The following GALNT9 variants were observed in gnomAD, a reference collection of about 807,000 sequenced individuals.
The protein encoded by GALNT9 is polypeptide N-acetylgalactosaminyltransferase 9.
In GALNT9, 47 loss-of-function variants were observed where a neutral mutation model predicts 63.1. That is an observed-to-expected ratio of 0.75 (90% confidence interval 0.59 to 0.95). The LOEUF (loss-of-function observed/expected upper bound fraction) is 0.95, where lower values mean the gene tolerates loss of function less well. GALNT9 is among the 40% of genes least tolerant of loss of function. GALNT9 has a pLI of 0.00. For missense variants in GALNT9, 829 were observed against 874.8 expected (o/e 0.95, Z 0.66); for synonymous variants, 396 against 365.7 (o/e 1.08, Z -0.94).
At position 132,316,898 on chromosome 12, in the gene GALNT9, C is replaced by CCATTCTACACCCCACAGAGCACAGCCTG. The variant is rs1555245717; in HGVS notation, c.238+12040_238+12067dup. Among the ~76,000 whole-genome samples, 1 of 151,744 alleles carries CCATTCTACACCCCACAGAGCACAGCCTG rather than the reference C, an allele frequency of 6.6e-6. No homozygotes were observed. The highest frequency in any genetic ancestry group is 2.4e-5 in the African/African-American group (1 of 41,194). On this transcript the variant is annotated intron_variant, in intron 1 of 10. Coordinates refer to ENST00000328957, the MANE Select transcript of GALNT9 (RefSeq NM_001122636.2). This position sits in a 1 kb window ranked among gnomAD's most constrained non-coding sequence, Gnocchi z 4.3. The stretch of plus-strand genomic sequence containing the variant: ...CCAGGAATGCTGCATGGCCTGGCCC[C>CCATTCTACACCCCACAGAGCACAGCCTG]CATTCTACACCCCACAGAGCACAGC...
In GALNT9 at chr12:132,329,087, G is replaced by T; in HGVS notation, c.117C>A (p.Arg39=). Residue 39 remains arginine (R), a synonymous_variant, in exon 1 of 11, where the codon CGC becomes CGA. Coordinates refer to ENST00000328957, the MANE Select transcript of GALNT9 (RefSeq NM_001122636.2). ...RLQGRSQELV[R]IVSGDRRVRS... The stretch of plus-strand genomic sequence containing the variant: ...GCACCCGGCGGTCGCCGCTCACGAT[G>T]CGCACGAGCTCCTGGGAGCGGCCCT... 6.5e-7 allele frequency: 1 copy of T among 1,548,612 alleles called. No homozygotes were observed.
chr12:132,200,658 GTGCTCTTGTACATATGAGTGTTTGCA>G (rs111225941), intron 8 of GALNT9: 141 of 156,402 alleles, frequency 9.0e-4, no homozygotes, highest in African/African-American at 3.3e-3. Context: ...TCGTGTCCGC[GTGCTCTTGTACATATGAGTGTTTGCA>G]TGGATTTACG....
intron 6 of GALNT9, among the ~76,000 whole-genome samples, chr12:132,219,061 G>A (rs772731256): frequency 1.3e-3 from 194 of 152,216 alleles, no homozygotes; most frequent in Middle Eastern, 0.01. Flanking sequence ...GCCGTTCGAG[G>A]AGAGCAGAGC....
chr12:132,204,569 C>T (rs771668142), intron 6 of GALNT9, among the ~76,000 whole-genome samples: 2 of 152,158 alleles, frequency 1.3e-5, no homozygotes, highest in South Asian at 4.1e-4. Flanking sequence ...CTCACGCCAC[C>T]GGCTCTCCTG....
intron 1 of GALNT9, among the ~76,000 whole-genome samples, chr12:132,303,571 G>A (rs71470384): frequency 0.072 from 2,863 of 39,914 alleles, 282 homozygotes; most frequent in African/African-American, 0.22. Context: ...ACACAGCCTC[G>A]CCCGGGCACA....
At chr12:132,284,714 G>A (rs555521888) in intron 2 of GALNT9, 2 of 152,410 alleles carry the variant, frequency 1.3e-5, no homozygotes, top group African/African-American at 4.8e-5. Flanking sequence ...CTCGGGAGCT[G>A]GGCACGCCTC....
Position 132,196,727 on chromosome 12 carries a change from A to AC in GALNT9, c.*379dup, listed in dbSNP as rs1875529251. The AC allele has an allele frequency of 5.9e-6, 6 of 1,014,104 alleles. No homozygotes were observed. The highest frequency in any genetic ancestry group is 7.1e-6 in the Non-Finnish European group (6 of 848,790). 62.8% of individuals were successfully genotyped at this position (1,014,104 alleles called of 1,614,324 possible). A position where few individuals can be genotyped will look rare whatever the true frequency, so the allele number is the denominator to read the frequency against. Reference sequence around the variant, plus strand: ...AGCATGGGAGGCCTGCGGGTGGAAGACACCAGGGTGCAGCCTGGTGCATGG... The same window carrying AC: ...AGCATGGGAGGCCTGCGGGTGGAAGACCACCAGGGTGCAGCCTGGTGCATGG... On this transcript the variant is annotated 3_prime_UTR_variant, in exon 11 of 11. Transcript: ENST00000328957.
At chr12:132,268,151 TC>T (rs1316733389) in intron 2 of GALNT9, among the ~76,000 whole-genome samples, 3 of 148,124 alleles carry the variant, frequency 2.0e-5, no homozygotes, top group Non-Finnish European at 4.5e-5. Context: ...ACACACGCAA[TC>T]TCACACAAGC....
At chr12:132,285,430 G>T (rs903664029) in intron 2 of GALNT9, among the ~76,000 whole-genome samples, 4 of 152,266 alleles carry the variant, frequency 2.6e-5, no homozygotes, top group Non-Finnish European at 5.9e-5. Flanking sequence ...TTAATCTGGC[G>T]CTTGTCGCGG....
intron 6 of GALNT9, among the ~76,000 whole-genome samples, chr12:132,210,548 G>A (rs1350992017): frequency 1.3e-5 from 2 of 152,164 alleles, no homozygotes; most frequent in Non-Finnish European, 2.9e-5. Flanking sequence ...GCTGGGGACG[G>A]CTTCCTGAAC....
At chr12:132,211,212 G>GA (rs1254182589) in intron 6 of GALNT9, among the ~76,000 whole-genome samples, 1 of 152,164 alleles carries the variant, frequency 6.6e-6, no homozygotes, top group Non-Finnish European at 1.5e-5. Flanking sequence ...TTTTTGCAGA[G>GA]AAAACGCTTC....
chr12:132,287,228 T>A (rs1880635881), intron 1 of GALNT9, among the ~76,000 whole-genome samples: 1 of 152,062 alleles, frequency 6.6e-6, no homozygotes, highest in African/African-American at 2.4e-5. Context: ...AGTGACACAG[T>A]CACACACGTT....
intron 2 of GALNT9, chr12:132,277,699 C>T (rs1880157568): frequency 6.6e-6 from 1 of 152,344 alleles, no homozygotes; most frequent in Admixed American, 6.5e-5. Flanking sequence ...AAGCAACTCA[C>T]CTTCACACAG....
At chr12:132,290,231 G>A (rs371900042) in intron 1 of GALNT9, among the ~76,000 whole-genome samples, 2 of 152,116 alleles carry the variant, frequency 1.3e-5, no homozygotes, top group Non-Finnish European at 2.9e-5. Flanking sequence ...AGAGCCAGGT[G>A]CCTGCCCCGT....
Position 132,316,683 on chromosome 12 carries a change from C to G in GALNT9, c.238+12283G>C, listed in dbSNP as rs149024550. ...GTGCTCTGTGTAGTCCCTCAGCCAC[C>G]CTTTCAGATCCGACAGGGACGCCCA... is the stretch of plus-strand genomic sequence containing the variant. On this transcript the variant is annotated intron_variant, in intron 1 of 10. Coordinates refer to ENST00000328957, the MANE Select transcript of GALNT9 (RefSeq NM_001122636.2). This position sits in a 1 kb window ranked among gnomAD's most constrained non-coding sequence, Gnocchi z 4.3. Among the ~76,000 whole-genome samples, 2 of 152,060 alleles carry G rather than the reference C, an allele frequency of 1.3e-5. No individual in the cohort carries two copies. The highest frequency in any genetic ancestry group is 2.1e-4 in the South Asian group (1 of 4,836).
chr12:132,328,931 G>A (rs961724813), intron 1 of GALNT9, 35 bp downstream of exon 1: 3 of 1,488,162 alleles, frequency 2.0e-6, no homozygotes, highest in Admixed American at 2.1e-5. Context: ...TCCCGGGCAG[G>A]GCTGCCCCCA....
intron 2 of GALNT9, among the ~76,000 whole-genome samples, chr12:132,267,908 TCCACATGCACTCA>T (rs1879698050): frequency 7.2e-5 from 6 of 83,636 alleles, no homozygotes; most frequent in African/African-American, 1.1e-4. Context: ...CGCACACAAA[TCCACATGCACTCA>T]CACACATGCA....
intron 1 of GALNT9, among the ~76,000 whole-genome samples, chr12:132,312,486 G>A (rs1395441226): frequency 1.3e-5 from 2 of 152,238 alleles, no homozygotes; most frequent in East Asian, 3.8e-4. Flanking sequence ...AGAAGCTGCT[G>A]AGAGGACCAG....
chr12:132,251,830 G>GCCTGGCA (rs1473217590), intron 5 of GALNT9, among the ~76,000 whole-genome samples: 1 of 152,216 alleles, frequency 6.6e-6, no homozygotes, highest in Admixed American at 6.5e-5. Context: ...CACATCAGCA[G>GCCTGGCA]CCTCTGGGCA....
Sources: allele counts gnomAD v4.1 joint callset (sites outside exome capture counted in the v4.1 genomes callset), GRCh38; gene constraint gnomAD v4.1.1; non-coding constraint Gnocchi (gnomAD v3.1); transcripts MANE v1.5; gene names NCBI Gene and HGNC (gene_info 2026-07-23, HGNC 2026-07-21).